TRIM9: variants seen among roughly 807,000 people sequenced by gnomAD.
The protein encoded by TRIM9 is tripartite motif containing 9.
A neutral mutation model predicts 78.3 loss-of-function variants in TRIM9; 26 were observed. The ratio of observed to expected loss-of-function variants is 0.33; its 90% CI spans 0.24 to 0.46. The LOEUF is 0.46. TRIM9 is among the 20% of genes least tolerant of loss of function. TRIM9 has a pLI of 1.00. For synonymous variants in TRIM9, 398 were observed against 416.5 expected, an observed-to-expected ratio of 0.96 and a Z score of 0.54; for missense variants, 787 against 1,036.4, an observed-to-expected ratio of 0.76 and a Z score of 3.30.
intron 1 of TRIM9, among the ~76,000 whole-genome samples, chr14:51,048,587 A>G (rs999730021): frequency 1.8e-5 from 2 of 108,664 alleles, no homozygotes; most frequent in African/African-American, 7.0e-5. Flanking sequence ...CACATAAACA[A>G]ATAAAAGTGT....
chr14:51,056,714 C>T (rs2060923472), intron 1 of TRIM9, among the ~76,000 whole-genome samples: 1 of 152,244 alleles, frequency 6.6e-6, no homozygotes, highest in Admixed American at 6.5e-5. Flanking sequence ...CTCCCAGTTT[C>T]ACAATTCCAG....
intron 3 of TRIM9, among the ~76,000 whole-genome samples, chr14:51,014,779 C>T (rs925893617): frequency 6.6e-6 from 1 of 152,170 alleles, no homozygotes; most frequent in African/African-American, 2.4e-5. Flanking sequence ...GGAAGCCAGG[C>T]CACCTCACTG....
rs1213555941 is a variant in TRIM9, at chr14:50,982,113, A to G, written c.1859-10T>C. 5.6e-6 allele frequency: 9 copies of G among 1,613,080 alleles called. No homozygotes were observed. The highest frequency in any genetic ancestry group is 7.6e-6 in the Non-Finnish European group (9 of 1,179,176). ...AAAGCAAACCAGGCCACTGGGAACAACAGAAGGGAATCAGGTTATTAAGAC... is the reference window on the plus strand; with the variant it reads ...AAAGCAAACCAGGCCACTGGGAACAGCAGAAGGGAATCAGGTTATTAAGAC... On this transcript the variant is annotated splice_polypyrimidine_tract_variant and intron_variant, in intron 10 of 12. Transcript: ENST00000684578.
rs747415513 is a variant in TRIM9, at chr14:51,029,896, C to T, written c.823-4536G>A. ...AAGAGAATTCTCTCACCCTCACAGG[C>T]CAAAACAATTGTTTAATTGTTTAAT... On this transcript the variant is annotated intron_variant, in intron 1 of 12. Transcript: ENST00000684578. 1.6e-4 allele frequency among the ~76,000 whole-genome samples: 24 copies of T among 152,144 alleles called. 1 individual carries two copies. The highest frequency in any genetic ancestry group is 5.9e-4 in the Admixed American group (9 of 15,282).
At chr14:51,033,198 T>G (rs944060186) in intron 1 of TRIM9, among the ~76,000 whole-genome samples, 1 of 152,238 alleles carries the variant, frequency 6.6e-6, no homozygotes, top group African/African-American at 2.4e-5. Flanking sequence ...CAAGCAATTC[T>G]CCTGCCTCAG....
chr14:51,077,023 A>G lies in TRIM9; in HGVS notation c.822+17095T>C, dbSNP rs533128119. On this transcript the variant is annotated intron_variant, in intron 1 of 12. Transcript: ENST00000684578. The stretch of plus-strand genomic sequence containing the variant: ...TCCAACTCTCATTTTAGCGCTTGCT[A>G]TAAAAGGGCTTAACAGAGACTGGTT... Among the ~76,000 whole-genome samples, 16 of 152,354 alleles carry G rather than the reference A, an allele frequency of 1.1e-4. 1 individual carries two copies. In the South Asian group the frequency reaches 2.7e-3, roughly 26 times the overall value.
chr14:51,033,525 G>A (rs984215543), intron 1 of TRIM9, among the ~76,000 whole-genome samples: 7 of 152,186 alleles, frequency 4.6e-5, no homozygotes, highest in African/African-American at 7.2e-5. Flanking sequence ...CTGTAGTATC[G>A]TTCAGAACAA....
rs191107013 is a variant in TRIM9, at chr14:51,017,009, A to G, written c.1041+5826T>C. Among the ~76,000 whole-genome samples, 1,041 of 152,250 alleles carry G rather than the reference A, an allele frequency of 6.8e-3. 15 individuals are homozygous for G. The highest frequency in any genetic ancestry group is 0.024 in the African/African-American group (999 of 41,530). On this transcript the variant is annotated intron_variant, in intron 3 of 12. Coordinates refer to ENST00000684578, the MANE Select transcript of TRIM9 (RefSeq NM_001387360.1). Reference sequence around the variant, plus strand: ...ATTGTGTCCTAAAGCATGATGACCAACTGATGCTTTGAATTAACTGTGTGA... The same window carrying G: ...ATTGTGTCCTAAAGCATGATGACCAGCTGATGCTTTGAATTAACTGTGTGA...
At chr14:51,052,544 C>G (rs1380229883) in intron 1 of TRIM9, among the ~76,000 whole-genome samples, 1 of 152,166 alleles carries the variant, frequency 6.6e-6, no homozygotes, top group Admixed American at 6.5e-5. Flanking sequence ...GGGAAGGAGA[C>G]AGTGATCCTG....
At chr14:51,081,146 T>C (rs573426927) in intron 1 of TRIM9, among the ~76,000 whole-genome samples, 1 of 152,292 alleles carries the variant, frequency 6.6e-6, no homozygotes, top group East Asian at 1.9e-4. Context: ...CTCTTATAAC[T>C]CAATAATAAA....
chr14:51,030,837 T>C (rs1240612347), intron 1 of TRIM9, among the ~76,000 whole-genome samples: 1 of 151,964 alleles, frequency 6.6e-6, no homozygotes. Context: ...CTGCTGCTTA[T>C]TGTTAATTGG....
intron 7 of TRIM9, among the ~76,000 whole-genome samples, chr14:50,987,948 G>T (rs942982095): frequency 1.3e-5 from 2 of 152,046 alleles, no homozygotes; most frequent in African/African-American, 4.8e-5. Context: ...CTACAGGCGT[G>T]AGCCATCACG....
intron 1 of TRIM9, among the ~76,000 whole-genome samples, chr14:51,036,044 C>G (rs532628522): frequency 6.6e-6 from 1 of 152,302 alleles, no homozygotes; most frequent in African/African-American, 2.4e-5. Flanking sequence ...AGGTAAAAGC[C>G]ACAGAGACTT....
chr14:50,991,140 T>G (rs1243663400), intron 7 of TRIM9, among the ~76,000 whole-genome samples: 1 of 152,224 alleles, frequency 6.6e-6, no homozygotes, highest in Non-Finnish European at 1.5e-5. Flanking sequence ...TAGAATACCA[T>G]GGCATTATTT....
At chr14:51,002,569 A>G (rs1006618956) in intron 5 of TRIM9, among the ~76,000 whole-genome samples, 7 of 152,322 alleles carry the variant, frequency 4.6e-5, no homozygotes, top group Admixed American at 4.6e-4. Flanking sequence ...TAGATGAACA[A>G]ATGTTCATCA....
chr14:51,089,005 T>C (rs2064052144), intron 1 of TRIM9: 1 of 151,530 alleles, frequency 6.6e-6, no homozygotes, highest in Non-Finnish European at 1.5e-5. Flanking sequence ...AAAAAAAGAC[T>C]CTCAGTGGAC....
intron 1 of TRIM9, among the ~76,000 whole-genome samples, chr14:51,077,120 T>C (rs1032678006): frequency 5.9e-5 from 9 of 152,222 alleles, no homozygotes; most frequent in Admixed American, 4.6e-4. Flanking sequence ...GAATTTCTGT[T>C]GTGCATCTTG....
intron 1 of TRIM9, among the ~76,000 whole-genome samples, chr14:51,026,438 C>A (rs2058237156): frequency 6.6e-6 from 1 of 152,108 alleles, no homozygotes; most frequent in South Asian, 2.1e-4. Context: ...GAATTTATAT[C>A]AAGTATCACT....
At chr14:50,985,895 G>A (rs1372526756) in intron 8 of TRIM9, 61 bp downstream of exon 8, 3 of 1,341,908 alleles carry the variant, frequency 2.2e-6, no homozygotes, top group African/African-American at 3.0e-5. Flanking sequence ...CAAGACACGC[G>A]TTTCAGAGAT....
Sources: allele counts gnomAD v4.1 joint callset (sites outside exome capture counted in the v4.1 genomes callset), GRCh38; gene constraint gnomAD v4.1.1; transcripts MANE v1.5; gene names NCBI Gene and HGNC (gene_info 2026-07-23, HGNC 2026-07-21).